NFAT5: variants seen among roughly 807,000 people sequenced by gnomAD.
The protein encoded by NFAT5 is nuclear factor of activated T cells 5, also known as nuclear factor of activated T-cells 5.
In NFAT5, 31 loss-of-function variants were observed where a neutral mutation model predicts 166.5. The ratio of observed to expected loss-of-function variants is 0.19; its 90% CI spans 0.14 to 0.25. The LOEUF (loss-of-function observed/expected upper bound fraction) is 0.25, where lower values mean the gene tolerates loss of function less well. NFAT5 is among the 10% of genes least tolerant of loss of function. The probability of loss-of-function intolerance (pLI) is 1.00; values close to 1 mark genes in which losing one functional copy is unlikely to be tolerated. For missense variants in NFAT5, 1,449 were observed against 1,821.8 expected (o/e 0.80, Z 3.72); for synonymous variants, 612 against 639.7 (o/e 0.96, Z 0.65).
chr16:69,662,723 G>A (rs558806449), intron 7 of NFAT5, among the ~76,000 whole-genome samples: 13 of 152,082 alleles, frequency 8.5e-5, no homozygotes, highest in African/African-American at 2.9e-4. Context: ...GCCTCCCAAA[G>A]TGCTGGGGTT....
intron 3 of NFAT5, among the ~76,000 whole-genome samples, chr16:69,639,794 G>A (rs2035124221): frequency 6.6e-6 from 1 of 151,984 alleles, no homozygotes; most frequent in East Asian, 1.9e-4. Flanking sequence ...TTGGGTAAGG[G>A]AACAGCCTGA....
chr16:69,613,410 G>A (rs1324913409), intron 2 of NFAT5, among the ~76,000 whole-genome samples: 2 of 152,120 alleles, frequency 1.3e-5, no homozygotes, highest in African/African-American at 4.8e-5. Flanking sequence ...CTCCCTGTGT[G>A]CTGAGGGATA....
intron 1 of NFAT5, among the ~76,000 whole-genome samples, chr16:69,568,053 C>T (rs560798111): frequency 6.6e-6 from 1 of 152,190 alleles, no homozygotes; most frequent in African/African-American, 2.4e-5. Flanking sequence ...TGGCTCACGC[C>T]TGTATTCCCA....
intron 11 of NFAT5, among the ~76,000 whole-genome samples, chr16:69,687,095 A>G (rs1365413767): frequency 6.6e-6 from 1 of 152,180 alleles, no homozygotes; most frequent in Non-Finnish European, 1.5e-5. Context: ...GACAAACTTA[A>G]TGTCTGGCCT....
At position 69,647,022 on chromosome 16, in the gene NFAT5, CT is replaced by C. The variant is rs765110333; in HGVS notation, c.254-5del. 1 of 1,566,670 alleles carries C rather than the reference CT, an allele frequency of 6.4e-7. No individual in the cohort carries two copies. The highest frequency in any genetic ancestry group is 8.7e-7 in the Non-Finnish European group (1 of 1,153,558). On this transcript the variant is annotated splice_region_variant and splice_polypyrimidine_tract_variant and intron_variant, in intron 3 of 14. Coordinates refer to ENST00000349945, the MANE Select transcript of NFAT5 (RefSeq NM_138713.4). This position sits in a 1 kb window ranked among gnomAD's most constrained non-coding sequence, Gnocchi z 4.8. ...AGTGTATTTACTCTTGAATTGTACA[CT>C]GCAGATGCTTCTTCAGCTCCCTCCT... is the stretch of plus-strand genomic sequence containing the variant.
chr16:69,678,161 C>T (rs1277219777), intron 10 of NFAT5, among the ~76,000 whole-genome samples: 1 of 150,546 alleles, frequency 6.6e-6, no homozygotes, highest in African/African-American at 2.4e-5. Flanking sequence ...GTCTCAAAGA[C>T]AGAAAACAAA....
At chr16:69,653,144 C>T in intron 4 of NFAT5, 92 bp from the exon 5 acceptor site, 3 of 793,540 alleles carry the variant, frequency 3.8e-6, no homozygotes, top group Non-Finnish European at 1.9e-6. Context: ...CTATTATTGC[C>T]AGTTCTGTTT....
In NFAT5 at chr16:69,568,346, A is replaced by ATGTGTGTG. The variant is rs1555515541; in HGVS notation, c.74-125_74-118dup. 1,514 of 180,456 alleles carry ATGTGTGTG rather than the reference A, an allele frequency of 8.4e-3. 30 individuals carry two copies. The highest frequency in any genetic ancestry group is 0.013 in the Admixed American group (163 of 12,974). The allele number at this position is 180,456 out of a possible 1,614,324, so 11.2% of individuals were successfully genotyped here. A position where few individuals can be genotyped will look rare whatever the true frequency, so the allele number is the denominator to read the frequency against. On this transcript the variant is annotated intron_variant, in intron 1 of 14. Coordinates refer to ENST00000349945, the MANE Select transcript of NFAT5 (RefSeq NM_138713.4). ...AAAATGTATGTGTGTATATATATAT[A>ATGTGTGTG]TGTGTGTGTGTGTGTGTGTGTGTGT...
intron 2 of NFAT5, among the ~76,000 whole-genome samples, chr16:69,588,551 C>G (rs1233127748): frequency 6.6e-6 from 1 of 152,146 alleles, no homozygotes; most frequent in African/African-American, 2.4e-5. Context: ...CATTTCCTCT[C>G]AAATTTAGAT....
chr16:69,662,428 C>T (rs1383051177), intron 7 of NFAT5, among the ~76,000 whole-genome samples: 1 of 148,114 alleles, frequency 6.8e-6, no homozygotes, highest in Non-Finnish European at 1.5e-5. Flanking sequence ...TTTGAGGTTA[C>T]AGAGGTAGAC....
Position 69,690,952 on chromosome 16 carries a change from C to T in NFAT5, c.1787C>T (p.Thr596Ile). Reference sequence around the variant, plus strand: ...TGTGTATATGCAGCAATGAAAACTACTGGATGTAATTTAGATAAGGTAAAT... The same window carrying T: ...TGTGTATATGCAGCAATGAAAACTATTGGATGTAATTTAGATAAGGTAAAT... Reference protein sequence around the residue: ...FEEAMKAMKTTGCNLDKVNII... With the variant: ...FEEAMKAMKTIGCNLDKVNII... The change falls in exon 12 of 15, where the codon ACT (threonine) becomes ATT (isoleucine). Residue 596 changes from threonine to isoleucine, a missense_variant. Physicochemically the swap from Thr to Ile is moderately conservative, Grantham distance 89 (BLOSUM62 -1). Transcript: ENST00000349945. 1 of 1,555,504 alleles carries T rather than the reference C, an allele frequency of 6.4e-7. No homozygotes were observed. The highest frequency in any genetic ancestry group is 8.7e-7 in the Non-Finnish European group (1 of 1,153,924).
chr16:69,686,832 C>CA (rs1334476511), intron 11 of NFAT5, among the ~76,000 whole-genome samples: 1 of 152,148 alleles, frequency 6.6e-6, no homozygotes, highest in East Asian at 1.9e-4. Flanking sequence ...CACTGCACTT[C>CA]AGCCTGGGCG....
rs572122968 is a variant in NFAT5, at chr16:69,674,809, C to T, written c.1558-2394C>T. The stretch of plus-strand genomic sequence containing the variant: ...AAGATATCTAGCACCATTGCTGGTA[C>T]ACTCTGAAAAAGATTATCTGCTAGG... On this transcript the variant is annotated intron_variant, in intron 9 of 14. Transcript: ENST00000349945. Among the ~76,000 whole-genome samples the T allele has an allele frequency of 3.3e-4, 50 of 152,290 alleles. 1 individual carries two copies. The highest frequency in any genetic ancestry group is 1.1e-3 in the African/African-American group (45 of 41,572).
intron 2 of NFAT5, among the ~76,000 whole-genome samples, chr16:69,578,759 G>A (rs2031466250): frequency 6.6e-6 from 1 of 151,858 alleles, no homozygotes; most frequent in Non-Finnish European, 1.5e-5. Context: ...AAATACTATG[G>A]TAAAATGGAA....
At chr16:69,664,293 T>C (rs1285241213) in intron 7 of NFAT5, among the ~76,000 whole-genome samples, 1 of 152,188 alleles carries the variant, frequency 6.6e-6, no homozygotes, top group African/African-American at 2.4e-5. Flanking sequence ...TTTATTTATT[T>C]ATTTATTTTT....
intron 3 of NFAT5, among the ~76,000 whole-genome samples, chr16:69,639,188 A>G (rs1567563623): frequency 6.6e-6 from 1 of 152,234 alleles, no homozygotes; most frequent in Non-Finnish European, 1.5e-5. Flanking sequence ...TGGACTTAAA[A>G]ATCAAAGTAT....
At chr16:69,598,966 A>G (rs2032969608) in intron 2 of NFAT5, among the ~76,000 whole-genome samples, 1 of 150,038 alleles carries the variant, frequency 6.7e-6, no homozygotes, top group Non-Finnish European at 1.5e-5. Flanking sequence ...GTGAGCTGAA[A>G]TGGCGCCACT....
At chr16:69,578,697 A>T (rs2031462842) in intron 2 of NFAT5, among the ~76,000 whole-genome samples, 11 of 152,190 alleles carry the variant, frequency 7.2e-5, no homozygotes, top group Admixed American at 7.2e-4. Context: ...ATAAGTAGCA[A>T]CTTGTTGGAT....
chr16:69,588,441 G>T (rs1337532450), intron 2 of NFAT5, among the ~76,000 whole-genome samples: 1 of 152,156 alleles, frequency 6.6e-6, no homozygotes, highest in African/African-American at 2.4e-5. Flanking sequence ...AAAGAGAGAT[G>T]ATTGCTAATC....
Sources: gnomAD v4.1 joint callset for allele counts (sites outside exome capture counted in the v4.1 genomes callset) on GRCh38, gnomAD v4.1.1 for gene constraint, Gnocchi (gnomAD v3.1) non-coding constraint, MANE v1.5 for transcripts, NCBI Gene and HGNC (gene_info 2026-07-23, HGNC 2026-07-21) for gene names.